The following TMEM132E variants were observed in gnomAD, a reference collection of about 807,000 sequenced individuals.
The protein encoded by TMEM132E is transmembrane protein 132E.
A neutral mutation model predicts 78.5 loss-of-function variants in TMEM132E; 49 were observed. The observed-to-expected ratio is 0.62, with a 90% CI of 0.50 to 0.79. TMEM132E has a LOEUF of 0.79. TMEM132E is among the 30% of genes least tolerant of loss of function. The probability of loss-of-function intolerance (pLI) is 0.00; values close to 1 mark genes in which losing one functional copy is unlikely to be tolerated. For synonymous variants in TMEM132E, 715 were observed against 670.6 expected (o/e 1.07, Z -1.02); for missense variants, 1,403 against 1,470.9 (o/e 0.95, Z 0.75).
intron 1 of TMEM132E, among the ~76,000 whole-genome samples, chr17:34,609,267 A>AAGG (rs764831503): frequency 3.9e-5 from 6 of 152,102 alleles, no homozygotes; most frequent in Non-Finnish European, 7.4e-5. Flanking sequence ...GAGCTTGGGT[A>AAGG]AGGCCTCAGG....
chr17:34,594,791 G>T (rs1905998119), intron 1 of TMEM132E, among the ~76,000 whole-genome samples: 1 of 152,102 alleles, frequency 6.6e-6, no homozygotes, highest in South Asian at 2.1e-4. Flanking sequence ...TTTAGAGATG[G>T]AATTCTAATG....
intron 1 of TMEM132E, among the ~76,000 whole-genome samples, chr17:34,612,332 C>T (rs550442872): frequency 6.6e-6 from 1 of 152,306 alleles, no homozygotes; most frequent in Admixed American, 6.5e-5. Context: ...GCAGGCTCCT[C>T]CTCCAGGGGC....
At chr17:34,619,671 C>T (rs1567717709) in intron 1 of TMEM132E, among the ~76,000 whole-genome samples, 1 of 152,014 alleles carries the variant, frequency 6.6e-6, no homozygotes, top group Non-Finnish European at 1.5e-5. Context: ...ATGTTCCAAG[C>T]ATCTGCCATG....
At chr17:34,614,019 CT>C (rs1182565436) in intron 1 of TMEM132E, among the ~76,000 whole-genome samples, 1 of 152,212 alleles carries the variant, frequency 6.6e-6, no homozygotes, top group Non-Finnish European at 1.5e-5. Flanking sequence ...TTGTTCCCCC[CT>C]TCCCTCGTGG....
chr17:34,624,955 T>C (rs911413087), intron 1 of TMEM132E, among the ~76,000 whole-genome samples: 3 of 152,208 alleles, frequency 2.0e-5, no homozygotes, highest in Non-Finnish European at 2.9e-5. Context: ...CTCGGGAGGT[T>C]CTTGGGGAGA....
At chr17:34,603,688 G>C (rs976490291) in intron 1 of TMEM132E, among the ~76,000 whole-genome samples, 37 of 152,108 alleles carry the variant, frequency 2.4e-4, no homozygotes, top group African/African-American at 8.7e-4. Context: ...TCTTCCCCCT[G>C]GGTGTTCCTG....
At chr17:34,582,757 G>T (rs1905538155) in intron 1 of TMEM132E, among the ~76,000 whole-genome samples, 1 of 152,084 alleles carries the variant, frequency 6.6e-6, no homozygotes, top group Admixed American at 6.5e-5. Context: ...CCTAGCACTG[G>T]CCGGCAGGGA....
At chr17:34,619,358 C>G (rs1027744490) in intron 1 of TMEM132E, among the ~76,000 whole-genome samples, 1 of 147,580 alleles carries the variant, frequency 6.8e-6, no homozygotes, top group African/African-American at 2.5e-5. Flanking sequence ...TCCTACTTAG[C>G]GCTATGTTCC....
At chr17:34,613,211 A>ACACACACACACACACACACGCG in intron 1 of TMEM132E, among the ~76,000 whole-genome samples, 1 of 115,978 alleles carries the variant, frequency 8.6e-6, no homozygotes. Flanking sequence ...ACACACACAC[A>ACACACACACACACACACACGCG]CGCGCGCGCG....
At chr17:34,594,628 T>C (rs955569911) in intron 1 of TMEM132E, among the ~76,000 whole-genome samples, 1 of 152,208 alleles carries the variant, frequency 6.6e-6, no homozygotes, top group African/African-American at 2.4e-5. Context: ...TTTTGTATTT[T>C]AGAGACAGGG....
intron 1 of TMEM132E, among the ~76,000 whole-genome samples, chr17:34,594,068 C>T (rs1007124626): frequency 6.6e-6 from 1 of 152,190 alleles, no homozygotes; most frequent in Non-Finnish European, 1.5e-5. Context: ...CAGCCCTGTG[C>T]ACTTTCACTC....
In TMEM132E at chr17:34,579,853, C is replaced by G. The variant is rs1331625617; in HGVS notation, c.-1224C>G. ...GGCGCCGCGCCCGCGTCTCACCGCC[C>G]GCAGCCCGGACTGGCGCGGCGATCC... On this transcript the variant is annotated 5_prime_UTR_variant, in exon 1 of 9. Coordinates refer to ENST00000631683, the MANE Select transcript of TMEM132E (RefSeq NM_001304438.2). 2 of 152,184 alleles carry G rather than the reference C, an allele frequency of 1.3e-5. No individual in the cohort carries two copies. The highest frequency in any genetic ancestry group is 2.9e-5 in the Non-Finnish European group (2 of 68,048). The allele number at this position is 152,184 out of a possible 1,614,324, so 9.4% of individuals were successfully genotyped here.
intron 1 of TMEM132E, among the ~76,000 whole-genome samples, chr17:34,624,643 AG>A: frequency 6.6e-6 from 1 of 152,298 alleles, no homozygotes; most frequent in African/African-American, 2.4e-5. Flanking sequence ...GTGAGTGTGA[AG>A]GTGAGTGAGT....
Position 34,581,159 on chromosome 17 carries a change from C to T in TMEM132E, c.67+16C>T, listed in dbSNP as rs1300149505. ...CTCGCCCACGGTAAGTGTCGCGGCG[C>T]GGACTGGGGGTGAGGATGCGGCAGG... is the stretch of plus-strand genomic sequence containing the variant. On this transcript the variant is annotated intron_variant, in intron 1 of 8. Coordinates refer to ENST00000631683, the MANE Select transcript of TMEM132E (RefSeq NM_001304438.2). 6.0e-5 allele frequency: 90 copies of T among 1,504,602 alleles called. No individual in the cohort carries two copies. Among genetic ancestry groups the T allele is most frequent in the Non-Finnish European group, 8.0e-5 (90 of 1,131,232 alleles). The allele number at this position is 1,504,602 out of a possible 1,614,324, so 93.2% of individuals were successfully genotyped here.
At position 34,587,059 on chromosome 17, in the gene TMEM132E, G is replaced by T. The variant is rs945038221; in HGVS notation, c.67+5916G>T. 2.6e-5 allele frequency among the ~76,000 whole-genome samples: 4 copies of T among 152,280 alleles called. No individual in the cohort carries two copies. The East Asian group carries it at 7.7e-4, about 29-fold the overall frequency. ...GTGTGCTTGCTGGCAGAACTTCTCA[G>T]ATTTTCTGTTTCCCTGGGCCTATCT... On this transcript the variant is annotated intron_variant, in intron 1 of 8. Coordinates refer to ENST00000631683, the MANE Select transcript of TMEM132E (RefSeq NM_001304438.2).
intron 1 of TMEM132E, 74 bp downstream of exon 1, chr17:34,581,217 AG>A: frequency 7.5e-7 from 1 of 1,336,880 alleles, no homozygotes; most frequent in Non-Finnish European, 9.9e-7. Flanking sequence ...AAGACTGGGG[AG>A]AGGAGCACCC....
chr17:34,586,807 CAAA>C (rs11338687), intron 1 of TMEM132E, among the ~76,000 whole-genome samples: 1 of 149,138 alleles, frequency 6.7e-6, no homozygotes. Flanking sequence ...TAATTCAATG[CAAA>C]AAAAAAAAGG....
rs1567719409 is a variant in TMEM132E, at chr17:34,626,224, CT to C, written c.167del (p.Phe56SerfsTer65). Reference protein sequence around the residue: ...SYRLSHTRLAFFLREARPPSP... With the variant: ...SYRLSHTRLAXFLREARPPSP... ...ACCGCCTGTCGCACACGCGGCTGGCCTTCTTCCTGCGGGAGGCGCGGCCCCC... is the reference window on the plus strand; with the variant it reads ...ACCGCCTGTCGCACACGCGGCTGGCCTCTTCCTGCGGGAGGCGCGGCCCCC... On this transcript the variant is annotated frameshift_variant, in exon 2 of 9. Transcript: ENST00000631683. LOFTEE classifies it high-confidence loss of function. The C allele has an allele frequency of 1.3e-6, 2 of 1,586,844 alleles. No homozygotes were observed. Among genetic ancestry groups the C allele is most frequent in the African/African-American group, 2.7e-5 (2 of 74,636 alleles).
intron 1 of TMEM132E, among the ~76,000 whole-genome samples, chr17:34,584,208 G>A (rs1409857423): frequency 1.3e-5 from 2 of 152,158 alleles, no homozygotes; most frequent in South Asian, 2.1e-4. Flanking sequence ...CTGGCCTCTC[G>A]CCATCCTCCG....
Sources: gnomAD v4.1 joint callset for allele counts (sites outside exome capture counted in the v4.1 genomes callset) on GRCh38, gnomAD v4.1.1 for gene constraint, MANE v1.5 for transcripts, NCBI Gene and HGNC (gene_info 2026-07-23, HGNC 2026-07-21) for gene names.